The following NAV3 variants were observed in gnomAD, a reference collection of about 807,000 sequenced individuals.
NAV3 encodes the protein pore membrane and/or filament interacting like protein 1.
In NAV3, 87 loss-of-function variants were observed where a neutral mutation model predicts 244.7. The ratio of observed to expected loss-of-function variants is 0.36; its 90% CI spans 0.30 to 0.42. The LOEUF (loss-of-function observed/expected upper bound fraction) is 0.42, where lower values mean the gene tolerates loss of function less well. NAV3 is among the 20% of genes least tolerant of loss of function. The pLI is 1.00. For missense variants in NAV3, 2,663 were observed against 2,893.3 expected (o/e 0.92, Z 1.83); for synonymous variants, 1,126 against 1,042.2 (o/e 1.08, Z -1.55).
Position 78,050,827 on chromosome 12 carries a change from C to T in NAV3, c.2196C>T (p.Asn732=), listed in dbSNP as rs2137247111. 1 of 1,613,792 alleles carries T rather than the reference C, an allele frequency of 6.2e-7. No individual in the cohort carries two copies. The highest frequency in any genetic ancestry group is 8.5e-7 in the Non-Finnish European group (1 of 1,179,762). Residue 732 remains asparagine (N), a synonymous_variant, in exon 11 of 40, where the codon AAC becomes AAT. Transcript: ENST00000397909. ...TTEVNGRTIP[N]LTSRPTPMTW... The stretch of plus-strand genomic sequence containing the variant: ...AAGTTAATGGAAGGACCATACCCAA[C>T]TTGACAAGTCGACCCACCCCCATGA...
chr12:77,717,693 G>T (rs73412551), intron 2 of NAV3, among the ~76,000 whole-genome samples: 3,800 of 151,356 alleles, frequency 0.025, 88 homozygotes, highest in African/African-American at 0.06. Context: ...CATACTGGCT[G>T]CATTATTTTA....
chr12:77,711,376 CTT>C (rs1316812051), intron 2 of NAV3, among the ~76,000 whole-genome samples: 1 of 152,204 alleles, frequency 6.6e-6, no homozygotes, highest in Non-Finnish European at 1.5e-5. Flanking sequence ...AATTCCCAGT[CTT>C]TGTTATTCCT....
chr12:77,581,176 T>C (rs1195094751), intron 2 of NAV3, among the ~76,000 whole-genome samples: 1 of 152,204 alleles, frequency 6.6e-6, no homozygotes, highest in Non-Finnish European at 1.5e-5. Context: ...TTACTATGAA[T>C]TTTCAACAAC....
Position 78,210,292 on chromosome 12 carries a change from T to C in NAV3, c.7039-106T>C, listed in dbSNP as rs1594065711. 5.3e-6 allele frequency: 8 copies of C among 1,503,960 alleles called. No homozygotes were observed. The East Asian group carries it at 1.8e-4, about 34-fold the overall frequency. 93.2% of individuals were successfully genotyped at this position (1,503,960 alleles called of 1,614,324 possible). A position where few individuals can be genotyped will look rare whatever the true frequency, so the allele number is the denominator to read the frequency against. ...TCTAAAATTATTTTCCCCTGTTACT[T>C]GGATGGGATAAGATAGCTCTTCGGT... On this transcript the variant is annotated intron_variant, in intron 39 of 39. Coordinates refer to ENST00000397909, the MANE Select transcript of NAV3 (RefSeq NM_001024383.2).
intron 3 of NAV3, among the ~76,000 whole-genome samples, chr12:77,950,146 A>G (rs987838597): frequency 6.6e-6 from 1 of 152,088 alleles, no homozygotes. Flanking sequence ...TCTTGTGTGA[A>G]CTTAAGTTTT....
At chr12:77,960,399 T>C (rs1456596452) in intron 3 of NAV3, among the ~76,000 whole-genome samples, 1 of 150,346 alleles carries the variant, frequency 6.7e-6, no homozygotes, top group Non-Finnish European at 1.5e-5. Flanking sequence ...TAGCCAAAAT[T>C]AAAAAGAATC....
intron 2 of NAV3, among the ~76,000 whole-genome samples, chr12:77,822,852 G>A (rs758198688): frequency 5.9e-5 from 9 of 152,092 alleles, no homozygotes; most frequent in Non-Finnish European, 1.2e-4. Context: ...TCTTAAGGTC[G>A]AATGTGAAAG....
At chr12:77,798,902 C>T (rs1871560293) in intron 2 of NAV3, among the ~76,000 whole-genome samples, 1 of 152,188 alleles carries the variant, frequency 6.6e-6, no homozygotes, top group African/African-American at 2.4e-5. Flanking sequence ...GTTAGCTTTG[C>T]TGCAGAACAA....
intron 2 of NAV3, among the ~76,000 whole-genome samples, chr12:77,705,112 C>T (rs1875735662): frequency 6.6e-6 from 1 of 151,992 alleles, no homozygotes; most frequent in Non-Finnish European, 1.5e-5. Context: ...AAGAGTAAAA[C>T]AAAACAAAAC....
intron 5 of NAV3, among the ~76,000 whole-genome samples, chr12:77,989,386 AG>A (rs1871081315): frequency 6.6e-6 from 1 of 152,198 alleles, no homozygotes; most frequent in Non-Finnish European, 1.5e-5. Flanking sequence ...CATAAACATT[AG>A]GTATTAGGCC....
intron 2 of NAV3, among the ~76,000 whole-genome samples, chr12:77,712,830 C>A (rs555792351): frequency 1.3e-5 from 2 of 152,162 alleles, no homozygotes; most frequent in Non-Finnish European, 2.9e-5. Flanking sequence ...CTCTTATTGA[C>A]ATATAGGCGA....
At position 78,188,784 on chromosome 12, in the gene NAV3, G is replaced by A. The variant is rs1958839917; in HGVS notation, c.6055+7G>A. 6.2e-7 allele frequency: 1 copy of A among 1,609,384 alleles called. No individual in the cohort carries two copies. Among genetic ancestry groups the A allele is most frequent in the Non-Finnish European group, 8.5e-7 (1 of 1,177,408 alleles). ...ATCACTGTGAACCTCAAAGGTAAAA[G>A]CAATAATGAAAAGCAAGGCAGAAAT... is the stretch of plus-strand genomic sequence containing the variant. On this transcript the variant is annotated splice_region_variant and intron_variant, in intron 33 of 39. Transcript: ENST00000397909.
chr12:77,730,441 G>T (rs1393154371), intron 2 of NAV3, among the ~76,000 whole-genome samples: 1 of 151,794 alleles, frequency 6.6e-6, no homozygotes, highest in Non-Finnish European at 1.5e-5. Context: ...GTGAGAAAAA[G>T]TTAGAAACAG....
In NAV3 at chr12:77,900,988, G is replaced by T. The variant is rs184804512; in HGVS notation, c.244-39331G>T. Reference sequence around the variant, plus strand: ...TTACATTTCTCTGATGATTAGTGAGGTGGAACATTTTTTCATGTTTGTTGG... The same window carrying T: ...TTACATTTCTCTGATGATTAGTGAGTTGGAACATTTTTTCATGTTTGTTGG... On this transcript the variant is annotated intron_variant, in intron 1 of 39. Coordinates refer to ENST00000397909, the MANE Select transcript of NAV3 (RefSeq NM_001024383.2). 7.9e-4 allele frequency among the ~76,000 whole-genome samples: 120 copies of T among 152,272 alleles called. 2 individuals carry two copies. Among genetic ancestry groups the T allele is most frequent in the Non-Finnish European group, 2.9e-4 (20 of 68,026 alleles).
At position 78,188,734 on chromosome 12, in the gene NAV3, A is replaced by G; in HGVS notation, c.6012A>G (p.Gly2004=). 1 of 1,612,366 alleles carries G rather than the reference A, an allele frequency of 6.2e-7. No homozygotes were observed. Among genetic ancestry groups the G allele is most frequent in the South Asian group, 1.1e-5 (1 of 91,020 alleles). Residue 2004 remains glycine, a synonymous_variant, in exon 33 of 40, where the codon GGA becomes GGG. Transcript: ENST00000397909. The part of the protein sequence containing the change: ...NLEVPELLPC[G]YLVGDNNIIT... ...AAGTGCCTGAATTGCTGCCTTGTGG[A>G]TACCTTGTTGGAGATAATAACATCA...
At chr12:78,170,032 T>C (rs1041150050) in intron 24 of NAV3, among the ~76,000 whole-genome samples, 2 of 151,704 alleles carry the variant, frequency 1.3e-5, no homozygotes, top group Non-Finnish European at 2.9e-5. Flanking sequence ...TTAAAATATA[T>C]AGAAAATCAT....
intron 9 of NAV3, among the ~76,000 whole-genome samples, chr12:78,026,553 G>T (rs945824019): frequency 2.0e-5 from 3 of 151,968 alleles, no homozygotes; most frequent in African/African-American, 7.3e-5. Context: ...AGAAACAAAT[G>T]GTGTATATGA....
intron 2 of NAV3, among the ~76,000 whole-genome samples, chr12:77,689,015 AG>A: frequency 6.6e-6 from 1 of 152,048 alleles, no homozygotes; most frequent in African/African-American, 2.4e-5. Flanking sequence ...TGGGTAATGG[AG>A]GCAGTCCAGG....
At chr12:78,053,240 ATATGTATG>A (rs935495756) in intron 11 of NAV3, among the ~76,000 whole-genome samples, 1 of 150,442 alleles carries the variant, frequency 6.6e-6, no homozygotes, top group East Asian at 1.9e-4. Context: ...TATAATATAT[ATATGTATG>A]TATGTATGTA....
Sources: gnomAD v4.1 joint callset for allele counts (sites outside exome capture counted in the v4.1 genomes callset) on GRCh38, gnomAD v4.1.1 for gene constraint, MANE v1.5 for transcripts, NCBI Gene and HGNC (gene_info 2026-07-23, HGNC 2026-07-21) for gene names.